The following KCNS3 variants were observed in gnomAD, a reference collection of about 807,000 sequenced individuals.
The protein encoded by KCNS3 is potassium voltage-gated channel modifier subfamily S member 3, also known as delayed-rectifier potassium channel regulatory subunit KCNS3.
KCNS3 carries 13 observed loss-of-function variants against 31.0 expected under a neutral mutation model. That is an observed-to-expected ratio of 0.42 (90% CI 0.27 to 0.67). KCNS3 has a LOEUF of 0.67. Among genes scored for constraint, KCNS3 ranks in the 30% least tolerant of loss-of-function variants. The pLI, the probability that KCNS3 is intolerant of heterozygous loss-of-function variation, is 0.25. For synonymous variants in KCNS3, 238 were observed against 241.5 expected, an observed-to-expected ratio of 0.99 and a Z score of 0.13; for missense variants, 545 against 622.4, an observed-to-expected ratio of 0.88 and a Z score of 1.32.
At chr2:17,928,952 C>G (rs1402410146) in intron 2 of KCNS3, among the ~76,000 whole-genome samples, 1 of 152,172 alleles carries the variant, frequency 6.6e-6, no homozygotes, top group Non-Finnish European at 1.5e-5. Flanking sequence ...TGTCCATGTC[C>G]TTGCCACCCC....
intron 1 of KCNS3, among the ~76,000 whole-genome samples, chr2:17,879,153 G>T (rs1674579618): frequency 6.6e-6 from 1 of 152,200 alleles, no homozygotes; most frequent in Admixed American, 6.5e-5. Context: ...CTATGGTCAG[G>T]GGGAGGACCA....
upstream of KCNS3, among the ~76,000 whole-genome samples, chr2:17,878,467 G>T (rs1271727170): frequency 6.6e-6 from 1 of 151,866 alleles, no homozygotes; most frequent in Non-Finnish European, 1.5e-5. Context: ...CTGTCCGCCT[G>T]TCTGGCGGTC....
Position 17,932,267 on chromosome 2 carries a change from A to T in KCNS3, c.1259A>T (p.Asp420Val). The change falls in exon 3 of 3, where the codon GAT (aspartate) becomes GTT (valine). Residue 420 changes from aspartate (D) to valine (V), a missense_variant. By Grantham distance (152) the Asp-to-Val change is radical. Coordinates refer to ENST00000304101, the MANE Select transcript of KCNS3 (RefSeq NM_002252.5). ...SKYYQKQKDI[D>V]VDQCSEDAPE... Reference sequence around the variant, plus strand: ...TACTACCAGAAGCAAAAGGACATTGATGTGGACCAGTGCAGTGAGGATGCA... The same window carrying T: ...TACTACCAGAAGCAAAAGGACATTGTTGTGGACCAGTGCAGTGAGGATGCA... The T allele has an allele frequency of 6.2e-7, 1 of 1,613,946 alleles. No homozygotes were observed.
At chr2:17,891,136 T>C (rs2125235138) in intron 1 of KCNS3, among the ~76,000 whole-genome samples, 1 of 152,312 alleles carries the variant, frequency 6.6e-6, no homozygotes, top group South Asian at 2.1e-4. Context: ...GATTGTGATA[T>C]TTTCCTGTGG....
chr2:17,878,474 G>T (rs1288205899), upstream of KCNS3, among the ~76,000 whole-genome samples: 1 of 151,816 alleles, frequency 6.6e-6, no homozygotes, highest in Non-Finnish European at 1.5e-5. Context: ...CCTGTCTGGC[G>T]GTCGGAGCCC....
intron 1 of KCNS3, among the ~76,000 whole-genome samples, chr2:17,898,383 G>A (rs1662082407): frequency 6.6e-6 from 1 of 151,716 alleles, no homozygotes; most frequent in Non-Finnish European, 1.5e-5. Flanking sequence ...GAATCTATCT[G>A]TAGATTGCTT....
chr2:17,906,930 G>A (rs1020816101), intron 1 of KCNS3, among the ~76,000 whole-genome samples: 16 of 152,298 alleles, frequency 1.1e-4, no homozygotes, highest in African/African-American at 3.6e-4. Context: ...AAGAATGTAT[G>A]TTCTGTTGAT....
chr2:17,910,623 A>C (rs114350872), intron 1 of KCNS3, among the ~76,000 whole-genome samples: 1,913 of 152,044 alleles, frequency 0.013, 19 homozygotes, highest in Non-Finnish European at 0.021. Flanking sequence ...CACCCAGTGG[A>C]AGTGTCTACT....
intron 1 of KCNS3, among the ~76,000 whole-genome samples, chr2:17,880,614 G>C (rs1394221123): frequency 6.6e-6 from 1 of 152,232 alleles, no homozygotes; most frequent in Non-Finnish European, 1.5e-5. Context: ...ATAATTGCCT[G>C]AATAGAGCCA....
intron 1 of KCNS3, among the ~76,000 whole-genome samples, chr2:17,880,937 G>C (rs1674631878): frequency 6.6e-6 from 1 of 152,212 alleles, no homozygotes; most frequent in African/African-American, 2.4e-5. Flanking sequence ...CCATTGGAAT[G>C]TGTGTCAGCT....
intron 1 of KCNS3, among the ~76,000 whole-genome samples, chr2:17,908,289 G>A (rs1190390293): frequency 3.3e-5 from 5 of 152,054 alleles, no homozygotes; most frequent in South Asian, 2.1e-4. Context: ...TGTAGTTCTC[G>A]TGCCATGGTT....
chr2:17,931,972 C>T lies in KCNS3; in HGVS notation c.964C>T (p.His322Tyr). ...AGGTGCCACACTGAGACACAGCTAC[C>T]ATGAAGTTGGGCTTCTGCTTCTCTT... Reference protein sequence around the residue: ...SLGATLRHSYHEVGLLLLFLS... With the variant: ...SLGATLRHSYYEVGLLLLFLS... Residue 322 changes from histidine (H) to tyrosine (Y), a missense_variant, in exon 3 of 3, where the codon CAT becomes TAT. His to Tyr is a moderately conservative substitution (Grantham distance 83). Coordinates refer to ENST00000304101, the MANE Select transcript of KCNS3 (RefSeq NM_002252.5). The surrounding 1 kb of genome is among the most constrained non-coding windows in gnomAD (Gnocchi z 5.4). 1 of 1,614,068 alleles carries T rather than the reference C, an allele frequency of 6.2e-7. No individual in the cohort carries two copies. The highest frequency in any genetic ancestry group is 2.2e-5 in the East Asian group (1 of 44,856).
chr2:17,929,171 G>A (rs1353785518), intron 2 of KCNS3, among the ~76,000 whole-genome samples: 2 of 152,202 alleles, frequency 1.3e-5, no homozygotes, highest in Non-Finnish European at 2.9e-5. Flanking sequence ...ACCCTTCGAT[G>A]CCTCTGGTGG....
intron 1 of KCNS3, among the ~76,000 whole-genome samples, chr2:17,888,629 G>GTGTATATA (rs1300748453): frequency 1.1e-4 from 10 of 92,406 alleles, no homozygotes; most frequent in Non-Finnish European, 2.0e-4. Context: ...TAAAAAAAAT[G>GTGTATATA]TATATATATA....
In KCNS3 at chr2:17,904,970, A is replaced by T. The variant is rs1457830271; in HGVS notation, c.-251-12710A>T. Among the ~76,000 whole-genome samples, 5 of 152,244 alleles carry T rather than the reference A, an allele frequency of 3.3e-5. No homozygotes were observed. In the South Asian group the frequency reaches 8.3e-4, roughly 25 times the overall value. ...TCTTTTTTGGTTCCATATGAACTTTAAAGTAGTTTTTTCCAATTCTGTGAA... is the reference window on the plus strand; with the variant it reads ...TCTTTTTTGGTTCCATATGAACTTTTAAGTAGTTTTTTCCAATTCTGTGAA... On this transcript the variant is annotated intron_variant, in intron 1 of 2. Transcript: ENST00000304101.
intron 1 of KCNS3, among the ~76,000 whole-genome samples, chr2:17,892,737 G>A (rs1661889328): frequency 6.6e-6 from 1 of 152,150 alleles, no homozygotes; most frequent in Admixed American, 6.5e-5. Context: ...AGTCTGCCCA[G>A]CTCTGGGCTG....
chr2:17,931,149 C>A lies in KCNS3; in HGVS notation c.141C>A (p.Cys47Ter). Residue 47 changes from cysteine to a stop codon, truncating the protein, a stop_gained, in exon 3 of 3, where the codon TGC becomes TGA. Coordinates refer to ENST00000304101, the MANE Select transcript of KCNS3 (RefSeq NM_002252.5). LOFTEE classifies it high-confidence loss of function. The surrounding 1 kb of genome is among the most constrained non-coding windows in gnomAD (Gnocchi z 5.4). The stretch of plus-strand genomic sequence containing the variant: ...CCAGACTGGGGAAGCTGCTTACTTG[C>A]CATTCTGAAGAGGCCATTCTGGAGC... ...PHTRLGKLLT[C>*]HSEEAILELC... 6.2e-7 allele frequency: 1 copy of A among 1,614,188 alleles called. No homozygotes were observed. The highest frequency in any genetic ancestry group is 8.5e-7 in the Non-Finnish European group (1 of 1,180,016).
chr2:17,896,223 T>G (rs958411765), intron 1 of KCNS3, among the ~76,000 whole-genome samples: 4 of 151,964 alleles, frequency 2.6e-5, no homozygotes, highest in Admixed American at 6.6e-5. Context: ...TTTATTTTTA[T>G]TTTTTTGTAG....
intron 2 of KCNS3, among the ~76,000 whole-genome samples, chr2:17,923,409 G>A (rs1014091087): frequency 3.9e-5 from 6 of 152,002 alleles, no homozygotes; most frequent in African/African-American, 1.4e-4. Context: ...TATTTTGTGA[G>A]TTGTCTTCAT....
Sources: gnomAD v4.1 joint callset for allele counts (sites outside exome capture counted in the v4.1 genomes callset) on GRCh38, gnomAD v4.1.1 for gene constraint, Gnocchi (gnomAD v3.1) non-coding constraint, MANE v1.5 for transcripts, NCBI Gene and HGNC (gene_info 2026-07-23, HGNC 2026-07-21) for gene names.